The following MACROD2 variants were observed in gnomAD, a reference collection of about 807,000 sequenced individuals.
MACROD2 encodes mono-ADP ribosylhydrolase 2.
MACROD2 carries 36 observed loss-of-function variants against 70.4 expected under a neutral mutation model. That is an observed-to-expected ratio of 0.51 (90% CI 0.39 to 0.68). MACROD2 has a LOEUF of 0.68. Ranked by LOEUF, MACROD2 falls within the 30% of genes least tolerant of loss-of-function variation. The pLI, the probability that MACROD2 is intolerant of heterozygous loss-of-function variation, is 0.00. For missense variants in MACROD2, 496 were observed against 538.4 expected (o/e 0.92, Z 0.78); for synonymous variants, 172 against 178.8 (o/e 0.96, Z 0.30).
At chr20:14,416,731 C>T (rs902942895) in intron 3 of MACROD2, among the ~76,000 whole-genome samples, 8 of 152,168 alleles carry the variant, frequency 5.3e-5, no homozygotes, top group African/African-American at 1.7e-4. Flanking sequence ...AAAGTACACA[C>T]TCAGTTTGGC....
intron 4 of MACROD2, among the ~76,000 whole-genome samples, chr20:14,534,051 A>T (rs75594126): frequency 1.3e-5 from 2 of 152,042 alleles, no homozygotes; most frequent in African/African-American, 2.4e-5. Flanking sequence ...TCTACTTATT[A>T]AAAAAAATAC....
At chr20:15,904,238 C>T (rs2065109282) in intron 10 of MACROD2, among the ~76,000 whole-genome samples, 1 of 151,986 alleles carries the variant, frequency 6.6e-6, no homozygotes, top group Non-Finnish European at 1.5e-5. Flanking sequence ...AGGCTGGTCT[C>T]GAACTTCTGA....
At chr20:13,997,246 G>T (rs1036081179) in intron 1 of MACROD2, among the ~76,000 whole-genome samples, 1 of 152,164 alleles carries the variant, frequency 6.6e-6, no homozygotes, top group Non-Finnish European at 1.5e-5. Context: ...AAATGCTGTC[G>T]AGAGTAATAG....
intron 4 of MACROD2, among the ~76,000 whole-genome samples, chr20:14,507,743 A>G (rs2084985302): frequency 6.6e-6 from 1 of 152,158 alleles, no homozygotes; most frequent in Non-Finnish European, 1.5e-5. Flanking sequence ...ACTCCCCACT[A>G]TGTTGATGGC....
chr20:14,261,805 C>T (rs764921065), intron 3 of MACROD2, among the ~76,000 whole-genome samples: 2 of 152,118 alleles, frequency 1.3e-5, no homozygotes, highest in Non-Finnish European at 2.9e-5. Flanking sequence ...AAGACTAATT[C>T]ACAGTAGAGC....
intron 4 of MACROD2, among the ~76,000 whole-genome samples, chr20:14,530,465 G>T (rs557242722): frequency 2.6e-5 from 4 of 152,300 alleles, no homozygotes; most frequent in African/African-American, 9.6e-5. Flanking sequence ...TTCTAAAGCT[G>T]TGTGATTTAT....
intron 5 of MACROD2, among the ~76,000 whole-genome samples, chr20:14,987,613 A>G (rs1217347172): frequency 6.6e-6 from 1 of 152,170 alleles, no homozygotes; most frequent in Non-Finnish European, 1.5e-5. Context: ...AGGCTCTAAA[A>G]TGACTATTTC....
chr20:14,542,172 A>C (rs2085441606), intron 4 of MACROD2, among the ~76,000 whole-genome samples: 1 of 152,222 alleles, frequency 6.6e-6, no homozygotes, highest in African/African-American at 2.4e-5. Context: ...CGCAGTCGCC[A>C]TCACACCCTT....
chr20:14,529,581 G>A (rs530275334), intron 4 of MACROD2, among the ~76,000 whole-genome samples: 1 of 152,286 alleles, frequency 6.6e-6, no homozygotes, highest in South Asian at 2.1e-4. Flanking sequence ...AGCTAGAACT[G>A]CATCTCTTGC....
At chr20:15,575,521 G>A (rs2048434930) in intron 8 of MACROD2, among the ~76,000 whole-genome samples, 1 of 152,164 alleles carries the variant, frequency 6.6e-6, no homozygotes, top group Non-Finnish European at 1.5e-5. Flanking sequence ...GAGGCAGAAA[G>A]GAGAAATGAT....
intron 10 of MACROD2, among the ~76,000 whole-genome samples, chr20:15,915,391 G>C (rs1239972377): frequency 1.3e-5 from 2 of 152,054 alleles, no homozygotes; most frequent in Non-Finnish European, 2.9e-5. Context: ...GAAATTACAA[G>C]AGTTTTAGAA....
intron 2 of MACROD2, among the ~76,000 whole-genome samples, chr20:14,081,741 G>A (rs963961161): frequency 3.3e-5 from 5 of 152,152 alleles, no homozygotes; most frequent in African/African-American, 9.7e-5. Context: ...ATAGTTGGTG[G>A]TCAAAAATAC....
rs993957564 is a variant in MACROD2 at position 16,002,694 on chromosome 20, T to A, written c.1153+15536T>A. On this transcript the variant is annotated intron_variant, in intron 15 of 17. Transcript: ENST00000684519. ...AAGGAACATAGCTCAGCTGACACCT[T>A]GACGCTAGCCTCATAAGACCCATTT... Among the ~76,000 whole-genome samples the A allele has an allele frequency of 5.3e-5, 8 of 152,168 alleles. 1 individual carries two copies. The highest frequency in any genetic ancestry group is 1.0e-4 in the Non-Finnish European group (7 of 68,034).
chr20:15,260,891 CATTAAGAAATGTTTATTA>C (rs2077243627), intron 6 of MACROD2, among the ~76,000 whole-genome samples: 2 of 151,998 alleles, frequency 1.3e-5, no homozygotes, highest in Non-Finnish European at 1.5e-5. Flanking sequence ...AAAGAAGTCA[CATTAAGAAATGTTTATTA>C]ATTTAAAATC....
At chr20:15,693,430 A>C (rs8119565) in intron 8 of MACROD2, among the ~76,000 whole-genome samples, 1 of 152,040 alleles carries the variant, frequency 6.6e-6, no homozygotes, top group African/African-American at 2.4e-5. Flanking sequence ...TTCACTTTCT[A>C]TAACTATTCT....
chr20:14,423,573 C>G (rs1301993589), intron 3 of MACROD2, among the ~76,000 whole-genome samples: 1 of 150,704 alleles, frequency 6.6e-6, no homozygotes, highest in Non-Finnish European at 1.5e-5. Context: ...GGTGGCGGGC[C>G]CCTGTAGTCC....
At chr20:15,279,498 C>T (rs2077424246) in intron 6 of MACROD2, among the ~76,000 whole-genome samples, 1 of 152,122 alleles carries the variant, frequency 6.6e-6, no homozygotes, top group Non-Finnish European at 1.5e-5. Flanking sequence ...ATTAATAATG[C>T]AATACCAGAC....
At chr20:15,790,922 G>C (rs1308051874) in intron 8 of MACROD2, among the ~76,000 whole-genome samples, 1 of 151,790 alleles carries the variant, frequency 6.6e-6, no homozygotes, top group East Asian at 1.9e-4. Flanking sequence ...ATTTGGATGA[G>C]TTTTATAAAG....
chr20:15,957,073 G>A (rs1478959589), intron 12 of MACROD2, among the ~76,000 whole-genome samples: 5 of 152,130 alleles, frequency 3.3e-5, no homozygotes, highest in Admixed American at 1.3e-4. Flanking sequence ...TTTACGTCAA[G>A]TCCCCAAACA....
Sources: gnomAD v4.1 joint callset for allele counts (sites outside exome capture counted in the v4.1 genomes callset) on GRCh38, gnomAD v4.1.1 for gene constraint, MANE v1.5 for transcripts, NCBI Gene and HGNC (gene_info 2026-07-23, HGNC 2026-07-21) for gene names.